Variants in SLC29A3 observed in about 807,000 individuals in gnomAD.
SLC29A3 encodes equilibrative nucleoside transporter 3.
Under a neutral mutation model 25.4 loss-of-function variants are expected in SLC29A3, and 18 were observed. The ratio of observed to expected loss-of-function variants is 0.71; its 90% CI spans 0.49 to 1.05. The LOEUF is 1.05. Ranked by LOEUF, SLC29A3 falls within the 50% of genes least tolerant of loss-of-function variation. The pLI, the probability that SLC29A3 is intolerant of heterozygous loss-of-function variation, is 0.00. For synonymous variants in SLC29A3, 258 were observed against 267.1 expected, an observed-to-expected ratio of 0.97 and a Z score of 0.33; for missense variants, 586 against 609.0, an observed-to-expected ratio of 0.96 and a Z score of 0.40.
chr10:71,365,153 C>T (rs1589246473), downstream of SLC29A3: 1 of 152,286 alleles, frequency 6.6e-6, no homozygotes, highest in Non-Finnish European at 1.5e-5. Flanking sequence ...ATCACTTGAA[C>T]CTGGGAGGTG....
At chr10:71,343,825 G>A (rs542791164) in intron 2 of SLC29A3, among the ~76,000 whole-genome samples, 48 of 152,278 alleles carry the variant, frequency 3.2e-4, no homozygotes, top group Non-Finnish European at 1.3e-4. Flanking sequence ...CTTGCATTTT[G>A]GTGATAGGCC....
At position 71,351,633 on chromosome 10, in the gene SLC29A3, T is replaced by C. The variant is rs1234836223; in HGVS notation, c.455T>C (p.Leu152Pro). ...GCCATCTTCATGGTGATAACTGCAC[T>C]GGTGAAGGTGGACACTTCCTCCTGG... ...ILAIFMVITA[L>P]VKVDTSSWTR... The change falls in exon 4 of 6, where the codon CTG becomes CCG. Residue 152 changes from leucine to proline, a missense_variant. Physicochemically the swap from Leu to Pro is moderately conservative, Grantham distance 98. Transcript: ENST00000373189. The C allele has an allele frequency of 6.2e-7, 1 of 1,614,208 alleles. No homozygotes were observed. Among genetic ancestry groups the C allele is most frequent in the South Asian group, 1.1e-5 (1 of 91,088 alleles).
rs1022392409 is a variant in SLC29A3 at position 71,348,984 on chromosome 10, C to T, written c.384-2578C>T. ...GGGATCTTGGAGAGCCAGTGTGGAG[C>T]ATGGCTGAGCAGGAGGGAGCTGGGG... On this transcript the variant is annotated intron_variant, in intron 3 of 5. Coordinates refer to ENST00000373189, the MANE Select transcript of SLC29A3 (RefSeq NM_018344.6). Among the ~76,000 whole-genome samples the T allele has an allele frequency of 3.3e-5, 5 of 152,152 alleles. No individual in the cohort carries two copies. The South Asian group carries it at 1.0e-3, about 32-fold the overall frequency.
intron 5 of SLC29A3, among the ~76,000 whole-genome samples, chr10:71,361,104 G>A (rs542648409): frequency 1.9e-4 from 29 of 152,284 alleles, no homozygotes; most frequent in African/African-American, 6.7e-4. Context: ...TGTGTGCATG[G>A]AACAGTATGT....
intron 2 of SLC29A3, among the ~76,000 whole-genome samples, chr10:71,324,459 G>A (rs1379771965): frequency 6.6e-6 from 1 of 152,142 alleles, no homozygotes; most frequent in Non-Finnish European, 1.5e-5. Context: ...GGGGTGAGGC[G>A]CTTGATCAGA....
At chr10:71,326,101 G>A (rs1236253098) in intron 2 of SLC29A3, among the ~76,000 whole-genome samples, 1 of 151,416 alleles carries the variant, frequency 6.6e-6, no homozygotes, top group African/African-American at 2.4e-5. Flanking sequence ...TGTATTTTTG[G>A]TAGAGACAGG....
At chr10:71,367,683 T>C (rs972513477), downstream of SLC29A3, among the ~76,000 whole-genome samples, 1 of 151,888 alleles carries the variant, frequency 6.6e-6, no homozygotes, top group Non-Finnish European at 1.5e-5. Flanking sequence ...TGAAGGAGAG[T>C]GACAAAGGTA....
rs121912583 is a variant in SLC29A3 at position 71,362,459 on chromosome 10, G to A, written c.1279G>A (p.Gly427Ser). The A allele has an allele frequency of 2.4e-5, 39 of 1,614,038 alleles. No individual in the cohort carries two copies. The highest frequency in any genetic ancestry group is 5.3e-5 in the African/African-American group (4 of 74,926). The change falls in exon 6 of 6, where the codon GGC becomes AGC. Residue 427 changes from glycine to serine, a missense_variant. Physicochemically the swap from Gly to Ser is moderately conservative, Grantham distance 56. Transcript: ENST00000373189. ...LLSSLLGLSN[G>S]YLSTLALLYG... ...CAGCTCCCTGCTGGGGCTCAGCAAC[G>A]GCTACCTCAGCACCCTGGCCCTCCT... is the stretch of plus-strand genomic sequence containing the variant.
At position 71,334,583 on chromosome 10, in the gene SLC29A3, C is replaced by G. The variant is rs141901651; in HGVS notation, c.301-9626C>G. 1.0e-3 allele frequency among the ~76,000 whole-genome samples: 158 copies of G among 152,340 alleles called. 1 individual carries two copies. Among genetic ancestry groups the G allele is most frequent in the African/African-American group, 3.6e-3 (150 of 41,576 alleles). Reference sequence around the variant, plus strand: ...GGAACTTGAGCTGAATCTCCCATGTCTACAACATCTAGCGAGCTCAGTAAA... The same window carrying G: ...GGAACTTGAGCTGAATCTCCCATGTGTACAACATCTAGCGAGCTCAGTAAA... On this transcript the variant is annotated intron_variant, in intron 2 of 5. Transcript: ENST00000373189.
At chr10:71,367,121 A>G (rs905229388), downstream of SLC29A3, among the ~76,000 whole-genome samples, 1 of 152,144 alleles carries the variant, frequency 6.6e-6, no homozygotes, top group African/African-American at 2.4e-5. Flanking sequence ...TGGCTTTCAA[A>G]GAAGTGGAGG....
chr10:71,331,332 A>C (rs2131808214), intron 2 of SLC29A3, among the ~76,000 whole-genome samples: 1 of 152,314 alleles, frequency 6.6e-6, no homozygotes, highest in South Asian at 2.1e-4. Flanking sequence ...CAGCAAACTC[A>C]AGGAATTTTG....
chr10:71,349,676 G>A (rs954605404), intron 3 of SLC29A3, among the ~76,000 whole-genome samples: 6 of 151,946 alleles, frequency 3.9e-5, no homozygotes, highest in South Asian at 2.1e-4. Context: ...CCCACACCCC[G>A]CCCTCCTCCA....
chr10:71,342,615 G>A (rs145618641), intron 2 of SLC29A3, among the ~76,000 whole-genome samples: 9 of 152,332 alleles, frequency 5.9e-5, no homozygotes, highest in Non-Finnish European at 8.8e-5. Context: ...CGGGGCTTGG[G>A]CTGGGGGCAG....
chr10:71,370,886 C>T (rs1847206956), intron 3 of SLC29A3, among the ~76,000 whole-genome samples: 1 of 151,964 alleles, frequency 6.6e-6, no homozygotes, highest in Admixed American at 6.6e-5. Context: ...ATTGGGATAG[C>T]CATCACCTTA....
intron 4 of SLC29A3, among the ~76,000 whole-genome samples, chr10:71,353,044 A>C (rs1846805763): frequency 6.6e-6 from 1 of 152,186 alleles, no homozygotes; most frequent in Non-Finnish European, 1.5e-5. Context: ...ATACTTTGAC[A>C]AGGGTATGTC....
chr10:71,378,353 G>A (rs1465727943), intron 4 of SLC29A3, among the ~76,000 whole-genome samples: 3 of 152,122 alleles, frequency 2.0e-5, no homozygotes, highest in Admixed American at 2.0e-4. Context: ...CTGTCTCCCA[G>A]CCAAAGGACC....
At chr10:71,352,094 T>C (rs1846781362) in intron 4 of SLC29A3, among the ~76,000 whole-genome samples, 1 of 152,156 alleles carries the variant, frequency 6.6e-6, no homozygotes, top group Non-Finnish European at 1.5e-5. Flanking sequence ...TGATAGTGGC[T>C]GCTGGCTGGA....
intron 2 of SLC29A3, among the ~76,000 whole-genome samples, chr10:71,333,848 G>A (rs1186657420): frequency 1.3e-5 from 2 of 152,218 alleles, no homozygotes; most frequent in Admixed American, 6.5e-5. Context: ...GGATCCGTGA[G>A]GTTCCCTGTT....
At chr10:71,339,389 A>G (rs558245917) in intron 2 of SLC29A3, among the ~76,000 whole-genome samples, 18 of 152,238 alleles carry the variant, frequency 1.2e-4, no homozygotes, top group African/African-American at 3.9e-4. Context: ...GGTGCAGATA[A>G]CGCTAGGGAG....
Sources: gnomAD v4.1 joint callset for allele counts (sites outside exome capture counted in the v4.1 genomes callset) on GRCh38, gnomAD v4.1.1 for gene constraint, MANE v1.5 for transcripts, NCBI Gene and HGNC (gene_info 2026-07-23, HGNC 2026-07-21) for gene names.